SLC5A6: variants seen among roughly 807,000 people sequenced by gnomAD.
SLC5A6 encodes sodium-dependent multivitamin transporter.
SLC5A6 carries 31 observed loss-of-function variants against 67.9 expected under a neutral mutation model. The observed-to-expected ratio is 0.46, with a 90% CI of 0.34 to 0.62. The LOEUF (loss-of-function observed/expected upper bound fraction) is 0.62. SLC5A6 is among the 20% of genes least tolerant of loss of function. The probability of loss-of-function intolerance (pLI) is 0.01; values close to 1 mark genes in which losing one functional copy is unlikely to be tolerated. For synonymous variants in SLC5A6, 343 were observed against 331.0 expected (o/e 1.04, Z -0.39); for missense variants, 673 against 812.8 (o/e 0.83, Z 2.09).
intron 7 of SLC5A6, 71 bp from the exon 8 acceptor site, chr2:27,205,002 G>C: frequency 1.3e-6 from 2 of 1,575,620 alleles, no homozygotes; most frequent in South Asian, 1.1e-5. Flanking sequence ...TTGGCAACAG[G>C]AGTCAGTGGA....
intron 11 of SLC5A6, 175 bp from the exon 12 acceptor site, chr2:27,203,055 G>C (rs1673774567): frequency 6.7e-7 from 1 of 1,489,814 alleles, no homozygotes; most frequent in Non-Finnish European, 8.9e-7. Flanking sequence ...GTGACTCAGA[G>C]ACCTCCCTAG....
At chr2:27,212,568 C>G (rs1674626081), upstream of SLC5A6, 1 of 1,480,232 alleles carries the variant, frequency 6.8e-7, no homozygotes. Context: ...GCCTGCGGTT[C>G]TGATTTCGTC....
intron 2 of SLC5A6, among the ~76,000 whole-genome samples, chr2:27,209,164 A>G (rs1674288828): frequency 6.6e-6 from 1 of 152,218 alleles, no homozygotes; most frequent in Non-Finnish European, 1.5e-5. Flanking sequence ...CACAGAGCCG[A>G]CTATTGTCAG....
rs1464832412 is a variant in SLC5A6 at position 27,204,859 on chromosome 2, GGA to G, written c.805_806del (p.Ser269LeufsTer103). ...LAFGGVFMML[S>X]LYGVNQAQVQ... ...CCTGAGCCTGGTTCACCCCGTATAAGGAGAGCATCATGAAGACACCCCCGAAG... is the reference window on the plus strand; with the variant it reads ...CCTGAGCCTGGTTCACCCCGTATAAGGAGCATCATGAAGACACCCCCGAAG... On this transcript the variant is annotated frameshift_variant, in exon 8 of 17. Transcript: ENST00000310574. LOFTEE classifies it high-confidence loss of function. The G allele has an allele frequency of 9.9e-6, 16 of 1,614,162 alleles. No individual in the cohort carries two copies. Among genetic ancestry groups the G allele is most frequent in the Non-Finnish European group, 1.4e-5 (16 of 1,180,022 alleles).
chr2:27,212,333 G>T, upstream of SLC5A6: 1 of 1,549,418 alleles, frequency 6.5e-7, no homozygotes, highest in Middle Eastern at 1.7e-4. Context: ...CGCGGGGCCG[G>T]GTCGCGCGAG....
chr2:27,200,698 A>C, intron 16 of SLC5A6, 119 bp from the exon 17 acceptor site: 1 of 984,102 alleles, frequency 1.0e-6, no homozygotes, highest in Non-Finnish European at 1.5e-6. Flanking sequence ...TTCGGGAGGG[A>C]GAGCAGGGGG....
chr2:27,212,228 G>C lies in SLC5A6; in HGVS notation c.-416C>G, dbSNP rs201195587. 5.1e-6 allele frequency: 8 copies of C among 1,560,692 alleles called. No homozygotes were observed. Among genetic ancestry groups the C allele is most frequent in the Non-Finnish European group, 6.1e-6 (7 of 1,152,936 alleles). On this transcript the variant is annotated 5_prime_UTR_variant, in exon 1 of 17. Coordinates refer to ENST00000310574, the MANE Select transcript of SLC5A6 (RefSeq NM_021095.4). ...CATGAAGACCAGCGCAGAGCTCCAC[G>C]AGCAGGAAAAGCCCCCAAGCAGCCC...
chr2:27,204,290 G>C (rs1323390540), intron 9 of SLC5A6, among the ~76,000 whole-genome samples, 171 bp downstream of exon 9: 1 of 152,014 alleles, frequency 6.6e-6, no homozygotes, highest in African/African-American at 2.4e-5. Context: ...GGTGATGCTA[G>C]GGACCGCGAT....
At chr2:27,208,120 G>A (rs1674207169) in intron 2 of SLC5A6, among the ~76,000 whole-genome samples, 1 of 152,180 alleles carries the variant, frequency 6.6e-6, no homozygotes, top group African/African-American at 2.4e-5. Flanking sequence ...CCACTTGAAG[G>A]CACAGACCCA....
chr2:27,204,666 A>G (rs1673916457), intron 8 of SLC5A6, 76 bp from the exon 9 acceptor site: 5 of 1,600,192 alleles, frequency 3.1e-6, no homozygotes, highest in Middle Eastern at 1.7e-4. Context: ...GACCTCCAGA[A>G]AGGAGACCCA....
intron 6 of SLC5A6, 92 bp downstream of exon 6, chr2:27,205,934 A>C: frequency 1.0e-6 from 1 of 971,916 alleles, no homozygotes; most frequent in East Asian, 2.4e-5. Flanking sequence ...CCTCATCTAT[A>C]TTCTCAGCTT....
At chr2:27,212,697 T>C, upstream of SLC5A6, 2 of 1,309,400 alleles carry the variant, frequency 1.5e-6, no homozygotes, top group East Asian at 5.8e-5. Flanking sequence ...TTTCGCCCCT[T>C]AATTTTAGAA....
intron 2 of SLC5A6, among the ~76,000 whole-genome samples, chr2:27,209,045 T>G (rs1422278764): frequency 2.6e-5 from 4 of 152,144 alleles, no homozygotes; most frequent in Non-Finnish European, 4.4e-5. Context: ...ATCATAATAT[T>G]TAAAATCTTA....
chr2:27,203,868 C>A lies in SLC5A6; in HGVS notation c.1006-1G>T. On this transcript the variant is annotated splice_acceptor_variant, in intron 9 of 16. Transcript: ENST00000310574. LOFTEE classifies it high-confidence loss of function. ...GATCCATCACAAAGTACAGGACGAA[C>A]TGCAAGCAGAGCGGAGGTACACAGC... The A allele has an allele frequency of 6.2e-7, 1 of 1,613,268 alleles. No individual in the cohort carries two copies. The highest frequency in any genetic ancestry group is 8.5e-7 in the Non-Finnish European group (1 of 1,179,272).
chr2:27,207,659 T>C lies in SLC5A6; in HGVS notation c.-9A>G, dbSNP rs757739363. 3 of 1,603,202 alleles carry C rather than the reference T, an allele frequency of 1.9e-6. No homozygotes were observed. The stretch of plus-strand genomic sequence containing the variant: ...CTCACCCCTACACTCATATCCTCAC[T>C]GTGTCTGTGATCTGCAGCCAGTTGC... On this transcript the variant is annotated 5_prime_UTR_variant, in exon 3 of 17. Transcript: ENST00000310574. The surrounding 1 kb of genome is among the most constrained non-coding windows in gnomAD (Gnocchi z 5.5).
Position 27,212,041 on chromosome 2 carries a change from G to A in SLC5A6, c.-229C>T. 1 of 912,604 alleles carries A rather than the reference G, an allele frequency of 1.1e-6. No homozygotes were observed. Among genetic ancestry groups the A allele is most frequent in the South Asian group, 1.8e-5 (1 of 57,010 alleles). 56.5% of individuals were successfully genotyped at this position (912,604 alleles called of 1,614,324 possible). A position where few individuals can be genotyped will look rare whatever the true frequency, so the allele number is the denominator to read the frequency against. On this transcript the variant is annotated 5_prime_UTR_variant, in exon 1 of 17. Coordinates refer to ENST00000310574, the MANE Select transcript of SLC5A6 (RefSeq NM_021095.4). ...TTACTGAGGGCGGATGGAGGGGCCCGAGTTTCTGCGAAGCCGCGACCTCGG... is the reference window on the plus strand; with the variant it reads ...TTACTGAGGGCGGATGGAGGGGCCCAAGTTTCTGCGAAGCCGCGACCTCGG...
At position 27,207,238 on chromosome 2, in the gene SLC5A6, T is replaced by C. The variant is rs555657184; in HGVS notation, c.393+20A>G. 1.7e-5 allele frequency: 27 copies of C among 1,610,782 alleles called. No homozygotes were observed. In the South Asian group the frequency reaches 2.9e-4, roughly 17 times the overall value. The stretch of plus-strand genomic sequence containing the variant: ...CCCCAACCCGTGTCCCACGCACTTC[T>C]CCCTTCTGTCCCTGCTCACCTCATA... On this transcript the variant is annotated intron_variant, in intron 3 of 16. Coordinates refer to ENST00000310574, the MANE Select transcript of SLC5A6 (RefSeq NM_021095.4). This position sits in a 1 kb window ranked among gnomAD's most constrained non-coding sequence, Gnocchi z 5.5.
chr2:27,201,110 C>T lies in SLC5A6; in HGVS notation c.1652G>A (p.Arg551Lys), dbSNP rs750616752. The change falls in exon 16 of 17, where the codon AGA becomes AAA. Residue 551 changes from arginine to lysine, a missense_variant. Physicochemically the swap from Arg to Lys is conservative, Grantham distance 26. Coordinates refer to ENST00000310574, the MANE Select transcript of SLC5A6 (RefSeq NM_021095.4). ...VGLIVSLLTG[R>K]MRGRSLNPAT... The stretch of plus-strand genomic sequence containing the variant: ...AGGGTTCAGGGACCGGCCTCGCATT[C>T]TCCCTGAATGGAAATGTGCTTCTGA... 6.2e-6 allele frequency: 10 copies of T among 1,609,158 alleles called. No homozygotes were observed. Among genetic ancestry groups the T allele is most frequent in the African/African-American group, 1.3e-5 (1 of 74,930 alleles).
intron 12 of SLC5A6, among the ~76,000 whole-genome samples, chr2:27,202,331 G>A (rs1042779907): frequency 4.6e-5 from 7 of 151,776 alleles, no homozygotes; most frequent in East Asian, 1.9e-4. Flanking sequence ...GTAAAACCCC[G>A]TCTCTACTAC....
Sources: gnomAD v4.1 joint callset for allele counts (sites outside exome capture counted in the v4.1 genomes callset) on GRCh38, gnomAD v4.1.1 for gene constraint, Gnocchi (gnomAD v3.1) non-coding constraint, MANE v1.5 for transcripts, NCBI Gene and HGNC (gene_info 2026-07-23, HGNC 2026-07-21) for gene names.